Variants in SERPINE2 observed in about 807,000 individuals in gnomAD.
SERPINE2 encodes the protein serpin family E member 2.
In SERPINE2, 14 loss-of-function variants were observed where a neutral mutation model predicts 36.3. That is an observed-to-expected ratio of 0.39 (90% confidence interval 0.25 to 0.60). SERPINE2 has a LOEUF of 0.60. Among genes scored for constraint, SERPINE2 ranks in the 20% least tolerant of loss-of-function variants. The pLI is 0.57. For synonymous variants in SERPINE2, 192 were observed against 191.8 expected (o/e 1.00, Z -0.01); for missense variants, 418 against 499.6 (o/e 0.84, Z 1.56).
At chr2:224,003,619 C>T (rs571483918) in intron 1 of SERPINE2, among the ~76,000 whole-genome samples, 3 of 152,302 alleles carry the variant, frequency 2.0e-5, no homozygotes, top group South Asian at 4.1e-4. Flanking sequence ...AATTACCACT[C>T]ACAGAGCTTT....
In SERPINE2 at chr2:223,975,149, T is replaced by C. The variant is rs929122058; in HGVS notation, c.*718A>G. 6 of 152,436 alleles carry C rather than the reference T, an allele frequency of 3.9e-5. No homozygotes were observed. Among genetic ancestry groups the C allele is most frequent in the Non-Finnish European group, 8.8e-5 (6 of 68,026 alleles). 9.4% of individuals were successfully genotyped at this position (152,436 alleles called of 1,614,324 possible). A position where few individuals can be genotyped will look rare whatever the true frequency, so the allele number is the denominator to read the frequency against. ...ATTGTATTTTCAAATAGCAGAGAAATAGCTTTATTTTTACTACTCATAACA... is the reference window on the plus strand; with the variant it reads ...ATTGTATTTTCAAATAGCAGAGAAACAGCTTTATTTTTACTACTCATAACA... On this transcript the variant is annotated 3_prime_UTR_variant, in exon 9 of 9. Transcript: ENST00000409304.
chr2:223,975,918 A>G lies in SERPINE2; in HGVS notation c.1157-14T>C. On this transcript the variant is annotated splice_polypyrimidine_tract_variant and intron_variant, in intron 8 of 8. Coordinates refer to ENST00000409304, the MANE Select transcript of SERPINE2 (RefSeq NM_001136528.2). ...ATAACACAGCACCTACAGAATTAAA[A>G]GAAAACAATGCATGACTCTGTAAAT... The G allele has an allele frequency of 1.3e-6, 2 of 1,596,302 alleles. No individual in the cohort carries two copies. Among genetic ancestry groups the G allele is most frequent in the Non-Finnish European group, 1.7e-6 (2 of 1,167,440 alleles).
At chr2:224,016,035 A>G (rs190906823) in intron 1 of SERPINE2, among the ~76,000 whole-genome samples, 2 of 152,398 alleles carry the variant, frequency 1.3e-5, no homozygotes, top group African/African-American at 4.8e-5. Context: ...GATGTTCAAC[A>G]TCATTAGCCA....
At chr2:224,030,183 T>C (rs903625033) in intron 1 of SERPINE2, 13 of 985,422 alleles carry the variant, frequency 1.3e-5, no homozygotes, top group Non-Finnish European at 1.6e-5. Flanking sequence ...CTTTGCTTCA[T>C]GGCCAACGCA....
At chr2:223,994,488 C>T (rs1023929448) in intron 3 of SERPINE2, among the ~76,000 whole-genome samples, 9 of 152,224 alleles carry the variant, frequency 5.9e-5, no homozygotes, top group African/African-American at 1.9e-4. Flanking sequence ...GTCCATCCAT[C>T]CATCCATCCT....
chr2:224,005,863 G>T (rs1344162600), intron 1 of SERPINE2, among the ~76,000 whole-genome samples: 3 of 152,172 alleles, frequency 2.0e-5, no homozygotes, highest in Non-Finnish European at 4.4e-5. Context: ...CATCATTGGA[G>T]GGAAGATCAT....
At chr2:224,001,969 CTT>C in intron 1 of SERPINE2, 47 bp from the exon 2 acceptor site, 1 of 1,442,980 alleles carries the variant, frequency 6.9e-7, no homozygotes, top group South Asian at 1.4e-5. Context: ...TAAATGGGTA[CTT>C]TACTACTTTT....
chr2:224,002,020 AG>A (rs1691197613), intron 1 of SERPINE2, 98 bp from the exon 2 acceptor site: 1 of 1,160,212 alleles, frequency 8.6e-7, no homozygotes, highest in Non-Finnish European at 1.2e-6. Flanking sequence ...TCTTTCACCC[AG>A]GCTGGAGTGA....
chr2:223,978,048 T>TG (rs988278829), intron 7 of SERPINE2: 3 of 161,350 alleles, frequency 1.9e-5, no homozygotes, highest in Non-Finnish European at 4.1e-5. Context: ...TCCTTTTTTT[T>TG]GGGGATGGAG....
chr2:223,995,531 T>C (rs1416331538), intron 3 of SERPINE2, among the ~76,000 whole-genome samples: 1 of 152,204 alleles, frequency 6.6e-6, no homozygotes, highest in East Asian at 1.9e-4. Context: ...GATCTCTGCA[T>C]TGGTAGGACA....
At chr2:224,006,492 G>A (rs771035336) in intron 1 of SERPINE2, among the ~76,000 whole-genome samples, 1 of 152,134 alleles carries the variant, frequency 6.6e-6, no homozygotes, top group Non-Finnish European at 1.5e-5. Context: ...TAAAGATGAG[G>A]TTCTTTATTC....
intron 1 of SERPINE2, chr2:224,030,929 G>A (rs1438519260): frequency 1.0e-5 from 10 of 983,248 alleles, no homozygotes; most frequent in Non-Finnish European, 1.2e-5. Context: ...AAGTGTCTGA[G>A]GAAGGAACTA....
intron 1 of SERPINE2, among the ~76,000 whole-genome samples, chr2:224,009,470 A>G (rs1691548221): frequency 6.6e-6 from 1 of 152,166 alleles, no homozygotes; most frequent in African/African-American, 2.4e-5. Flanking sequence ...CGAGGTGGGC[A>G]GAGTGCTTGA....
intron 2 of SERPINE2, among the ~76,000 whole-genome samples, chr2:224,000,362 AC>A (rs1691066497): frequency 1.3e-5 from 2 of 152,080 alleles, no homozygotes; most frequent in African/African-American, 4.8e-5. Context: ...TCTGGGCAAG[AC>A]CCCTCAGCTG....
At chr2:224,023,668 T>C (rs1264691153) in intron 1 of SERPINE2, among the ~76,000 whole-genome samples, 2 of 152,186 alleles carry the variant, frequency 1.3e-5, no homozygotes, top group Non-Finnish European at 2.9e-5. Context: ...CCTCCAAATA[T>C]ATCAAAGGTG....
At chr2:223,993,918 G>C (rs1690776000) in intron 3 of SERPINE2, among the ~76,000 whole-genome samples, 1 of 152,166 alleles carries the variant, frequency 6.6e-6, no homozygotes, top group African/African-American at 2.4e-5. Flanking sequence ...AGACTGTCCT[G>C]TGGGAGCGAA....
intron 1 of SERPINE2, among the ~76,000 whole-genome samples, chr2:224,003,907 A>G (rs1691290271): frequency 6.6e-6 from 1 of 152,014 alleles, no homozygotes; most frequent in African/African-American, 2.4e-5. Context: ...ACCTGGAGGG[A>G]GGGGGAAATC....
At chr2:223,983,140 C>G (rs1202812640) in intron 5 of SERPINE2, among the ~76,000 whole-genome samples, 1 of 152,220 alleles carries the variant, frequency 6.6e-6, no homozygotes. Context: ...ATCTATTATT[C>G]TTCCCCATAT....
At chr2:223,993,530 A>ATGTG (rs36049464) in intron 3 of SERPINE2, among the ~76,000 whole-genome samples, 1,715 of 149,832 alleles carry the variant, frequency 0.011, 5 homozygotes, top group Non-Finnish European at 0.014. Flanking sequence ...GCTCAAATAT[A>ATGTG]TGTGTGTGTG....
Sources: allele counts gnomAD v4.1 joint callset (sites outside exome capture counted in the v4.1 genomes callset), GRCh38; gene constraint gnomAD v4.1.1; transcripts MANE v1.5; gene names NCBI Gene and HGNC (gene_info 2026-07-23, HGNC 2026-07-21).